The following RAB33B variants were observed in gnomAD, a reference collection of about 807,000 sequenced individuals.
RAB33B encodes RAB33B, member RAS oncogene family, also known as ras-related protein Rab-33B.
In RAB33B, 6 loss-of-function variants were observed where a neutral mutation model predicts 15.0. That is an observed-to-expected ratio of 0.40 (90% CI 0.22 to 0.79). The LOEUF (loss-of-function observed/expected upper bound fraction) is 0.79, where lower values mean the gene tolerates loss of function less well. Ranked by LOEUF, RAB33B falls within the 30% of genes least tolerant of loss-of-function variation. RAB33B has a pLI of 0.37. For missense variants in RAB33B, 257 were observed against 296.4 expected (o/e 0.87, Z 0.98); for synonymous variants, 117 against 108.3 (o/e 1.08, Z -0.50).
chr4:139,441,323 C>G, the RAB33B span, among the ~76,000 whole-genome samples: 4 of 152,174 alleles, frequency 2.6e-5, no homozygotes, highest in African/African-American at 7.2e-5. Flanking sequence ...AGGGGAGTTA[C>G]AGAGACACAT....
chr4:139,442,466 G>C, the RAB33B span, among the ~76,000 whole-genome samples: 1 of 152,164 alleles, frequency 6.6e-6, no homozygotes, highest in African/African-American at 2.4e-5. Context: ...GTGTCTGTGA[G>C]GGTGTTGCCA....
intron 1 of RAB33B, among the ~76,000 whole-genome samples, chr4:139,457,834 T>C (rs1750097851): frequency 6.6e-6 from 1 of 152,188 alleles, no homozygotes; most frequent in Non-Finnish European, 1.5e-5. Flanking sequence ...TTCACCTAGG[T>C]TGTACTACTT....
At chr4:139,470,531 C>T (rs1021278419) in intron 1 of RAB33B, among the ~76,000 whole-genome samples, 1 of 152,116 alleles carries the variant, frequency 6.6e-6, no homozygotes, top group Non-Finnish European at 1.5e-5. Flanking sequence ...AAAGGCCCCC[C>T]TGTGGCCATG....
Position 139,472,957 on chromosome 4 carries a change from T to G in RAB33B, c.521T>G (p.Leu174Trp). ...QKFADTHSMP[L>W]FETSAKNPND... ...TTTGCTGACACACACAGTATGCCTT[T>G]GTTTGAAACGTCTGCTAAAAACCCC... The change falls in exon 2 of 2, where the codon TTG becomes TGG. Residue 174 changes from leucine to tryptophan, a missense_variant. By Grantham distance (61) the Leu-to-Trp change is moderately conservative. Transcript: ENST00000305626. 2 of 1,614,200 alleles carry G rather than the reference T, an allele frequency of 1.2e-6. No individual in the cohort carries two copies. Among genetic ancestry groups the G allele is most frequent in the Non-Finnish European group, 1.7e-6 (2 of 1,180,016 alleles).
At chr4:139,446,482 A>C in the RAB33B span, among the ~76,000 whole-genome samples, 133 of 152,308 alleles carry the variant, frequency 8.7e-4, no homozygotes, top group Admixed American at 3.3e-3. Context: ...GCTGTAGCTA[A>C]TGGTTTGGCT....
At chr4:139,442,568 G>C in the RAB33B span, among the ~76,000 whole-genome samples, 1 of 152,128 alleles carries the variant, frequency 6.6e-6, no homozygotes, top group African/African-American at 2.4e-5. Flanking sequence ...AGCATGATCA[G>C]AATATAAAGC....
rs1179373414 is a variant in RAB33B at position 139,472,946 on chromosome 4, C to T, written c.510C>T (p.His170=). Residue 170 remains histidine (H), a synonymous_variant, in exon 2 of 2, where the codon CAC becomes CAT. Coordinates refer to ENST00000305626, the MANE Select transcript of RAB33B (RefSeq NM_031296.3). ...TDLAQKFADT[H]SMPLFETSAK... is the part of the protein sequence containing the mutation. ...TGGCACAAAAATTTGCTGACACACA[C>T]AGTATGCCTTTGTTTGAAACGTCTG... 1 of 1,614,038 alleles carries T rather than the reference C, an allele frequency of 6.2e-7. No homozygotes were observed. Among genetic ancestry groups the T allele is most frequent in the African/African-American group, 1.3e-5 (1 of 74,926 alleles).
rs1750484652 is a variant in RAB33B at position 139,475,506 on chromosome 4, T to A, written c.*2380T>A. 1 of 152,098 alleles carries A rather than the reference T, an allele frequency of 6.6e-6. No individual in the cohort carries two copies. Among genetic ancestry groups the A allele is most frequent in the South Asian group, 2.1e-4 (1 of 4,832 alleles). 9.4% of individuals were successfully genotyped at this position (152,098 alleles called of 1,614,324 possible). A position where few individuals can be genotyped will look rare whatever the true frequency, so the allele number is the denominator to read the frequency against. Reference sequence around the variant, plus strand: ...TTTTTTATATATATGTTTTTATTTTTAAAAAACATACCAGTTGAATGGGGT... The same window carrying A: ...TTTTTTATATATATGTTTTTATTTTAAAAAAACATACCAGTTGAATGGGGT... On this transcript the variant is annotated 3_prime_UTR_variant, in exon 2 of 2. Transcript: ENST00000305626.
Position 139,475,039 on chromosome 4 carries a change from T to C in RAB33B, c.*1913T>C, listed in dbSNP as rs750749103. 1 of 152,144 alleles carries C rather than the reference T, an allele frequency of 6.6e-6. No individual in the cohort carries two copies. Among genetic ancestry groups the C allele is most frequent in the Non-Finnish European group, 1.5e-5 (1 of 67,970 alleles). The allele number at this position is 152,144 out of a possible 1,614,324, so 9.4% of individuals were successfully genotyped here. On this transcript the variant is annotated 3_prime_UTR_variant, in exon 2 of 2. Transcript: ENST00000305626. ...ATGAACTAACTGAAAATAATAATTA[T>C]AGGAAGTGATTATTCCATTTTAAGT...
chr4:139,446,413 T>C, the RAB33B span, among the ~76,000 whole-genome samples: 1 of 152,200 alleles, frequency 6.6e-6, no homozygotes. Context: ...GTACACCTAG[T>C]TGTGCACTTT....
chr4:139,473,174 T>C lies in RAB33B; in HGVS notation c.*48T>C. 1.4e-6 allele frequency: 2 copies of C among 1,457,554 alleles called. No individual in the cohort carries two copies. The highest frequency in any genetic ancestry group is 1.8e-6 in the Non-Finnish European group (2 of 1,082,790). 90.3% of individuals were successfully genotyped at this position (1,457,554 alleles called of 1,614,324 possible). ...CTAATTTTGACTAAAGAAATACTTT[T>C]GAAGTATGACAGTATTAAGTCATAA... On this transcript the variant is annotated 3_prime_UTR_variant, in exon 2 of 2. Coordinates refer to ENST00000305626, the MANE Select transcript of RAB33B (RefSeq NM_031296.3).
intron 1 of RAB33B, 133 bp downstream of exon 1, chr4:139,454,577 G>T (rs1421009160): frequency 9.9e-7 from 1 of 1,006,516 alleles, no homozygotes; most frequent in Non-Finnish European, 1.4e-6. Flanking sequence ...TGGAGTTGGG[G>T]ATTGGAAGGA....
the RAB33B span, among the ~76,000 whole-genome samples, chr4:139,444,863 C>G: frequency 6.6e-6 from 1 of 152,044 alleles, no homozygotes; most frequent in African/African-American, 2.4e-5. Context: ...GTGGAAAAAG[C>G]CAAATGGAAG....
intron 1 of RAB33B, among the ~76,000 whole-genome samples, chr4:139,467,308 CTTTTTTTTT>C (rs70943422): frequency 4.0e-4 from 7 of 17,614 alleles, no homozygotes; most frequent in Admixed American, 3.4e-3. Flanking sequence ...CCCCCCGCCG[CTTTTTTTTT>C]TTTTTTTTTT....
chr4:139,446,212 T>C, the RAB33B span, among the ~76,000 whole-genome samples: 1 of 152,184 alleles, frequency 6.6e-6, no homozygotes, highest in East Asian at 1.9e-4. Context: ...CCTGCACCGA[T>C]GGCCTCATGG....
rs1379577312 is a variant in RAB33B, at chr4:139,474,170, T to G, written c.*1044T>G. On this transcript the variant is annotated 3_prime_UTR_variant, in exon 2 of 2. Coordinates refer to ENST00000305626, the MANE Select transcript of RAB33B (RefSeq NM_031296.3). Reference sequence around the variant, plus strand: ...CACCCGCCTCAGCTTCCCAAAGTGCTGGGATTACAGGTGTGAGTCACTGCA... The same window carrying G: ...CACCCGCCTCAGCTTCCCAAAGTGCGGGGATTACAGGTGTGAGTCACTGCA... 1.3e-5 allele frequency: 2 copies of G among 152,194 alleles called. No homozygotes were observed. Among genetic ancestry groups the G allele is most frequent in the Non-Finnish European group, 2.9e-5 (2 of 68,034 alleles). The allele number at this position is 152,194 out of a possible 1,614,324, so 9.4% of individuals were successfully genotyped here.
chr4:139,467,308 C>CGGTTTT (rs1750307627), intron 1 of RAB33B, among the ~76,000 whole-genome samples: 1 of 17,620 alleles, frequency 5.7e-5, no homozygotes, highest in African/African-American at 1.1e-4. Context: ...CCCCCCGCCG[C>CGGTTTT]TTTTTTTTTT....
chr4:139,471,523 T>A (rs1750391120), intron 1 of RAB33B, among the ~76,000 whole-genome samples: 1 of 137,186 alleles, frequency 7.3e-6, no homozygotes, highest in Non-Finnish European at 1.6e-5. Flanking sequence ...TCTTATGAAG[T>A]TTTTTTTTTT....
In RAB33B at chr4:139,466,015, G is replaced by A. The variant is rs112132058; in HGVS notation, c.250-6671G>A. 7.2e-3 allele frequency among the ~76,000 whole-genome samples: 1,091 copies of A among 152,050 alleles called. 15 individuals carry two copies. The highest frequency in any genetic ancestry group is 0.025 in the African/African-American group (1,037 of 41,428). On this transcript the variant is annotated intron_variant, in intron 1 of 1. Coordinates refer to ENST00000305626, the MANE Select transcript of RAB33B (RefSeq NM_031296.3). ...GTGTTGCCCAAGCTGGTAGAGACAA[G>A]GTCTCTTTTGGTAGAGACAGGGTCT... is the stretch of plus-strand genomic sequence containing the variant.
Sources: allele counts gnomAD v4.1 joint callset (sites outside exome capture counted in the v4.1 genomes callset), GRCh38; gene constraint gnomAD v4.1.1; transcripts MANE v1.5; gene names NCBI Gene and HGNC (gene_info 2026-07-23, HGNC 2026-07-21).